Variants in KCNK13 observed in about 807,000 individuals in gnomAD.
The protein encoded by KCNK13 is potassium two pore domain channel subfamily K member 13.
KCNK13 carries 12 observed loss-of-function variants against 23.4 expected under a neutral mutation model. That is an observed-to-expected ratio of 0.51 (90% confidence interval 0.33 to 0.83). The LOEUF is 0.83. KCNK13 is among the 40% of genes least tolerant of loss of function. The pLI is 0.02. For missense variants in KCNK13, 463 were observed against 556.3 expected (o/e 0.83, Z 1.69); for synonymous variants, 231 against 229.5 (o/e 1.01, Z -0.06).
chr14:90,181,148 C>A (rs913729604), intron 1 of KCNK13, among the ~76,000 whole-genome samples: 3 of 152,146 alleles, frequency 2.0e-5, no homozygotes, highest in Non-Finnish European at 4.4e-5. Flanking sequence ...AGCCACCATG[C>A]CCAGCCCACT....
intron 1 of KCNK13, among the ~76,000 whole-genome samples, chr14:90,087,076 T>C (rs1405752192): frequency 6.7e-6 from 1 of 148,316 alleles, no homozygotes; most frequent in Non-Finnish European, 1.5e-5. Context: ...ATCATGGTGG[T>C]TATTAGCCTT....
intron 1 of KCNK13, among the ~76,000 whole-genome samples, chr14:90,128,689 C>A (rs184260547): frequency 6.6e-6 from 1 of 152,184 alleles, no homozygotes; most frequent in Non-Finnish European, 1.5e-5. Flanking sequence ...TGGCTCCACT[C>A]GAGAATTTTC....
chr14:90,156,945 G>A lies in KCNK13; in HGVS notation c.335-27166G>A, dbSNP rs529355595. Among the ~76,000 whole-genome samples the A allele has an allele frequency of 2.6e-5, 4 of 152,180 alleles. No individual in the cohort carries two copies. In the South Asian group the frequency reaches 6.2e-4, roughly 24 times the overall value. On this transcript the variant is annotated intron_variant, in intron 1 of 1. Coordinates refer to ENST00000282146, the MANE Select transcript of KCNK13 (RefSeq NM_022054.4). ...TCCAGTCCAGTGGTTATACTTTCTCGTGTTGCATAAATGCATAGGTTTGGA... is the reference window on the plus strand; with the variant it reads ...TCCAGTCCAGTGGTTATACTTTCTCATGTTGCATAAATGCATAGGTTTGGA...
intron 1 of KCNK13, among the ~76,000 whole-genome samples, chr14:90,098,955 G>A (rs535735982): frequency 2.0e-5 from 3 of 152,182 alleles, no homozygotes; most frequent in African/African-American, 7.2e-5. Flanking sequence ...GCAGGTGCCT[G>A]TATTCCCAGC....
chr14:90,169,869 T>C (rs1890344803), intron 1 of KCNK13, among the ~76,000 whole-genome samples: 1 of 152,222 alleles, frequency 6.6e-6, no homozygotes, highest in Non-Finnish European at 1.5e-5. Flanking sequence ...GGGGCAGAGA[T>C]GATTTTAAGG....
At chr14:90,111,010 CAAAA>C (rs11352357) in intron 1 of KCNK13, among the ~76,000 whole-genome samples, 4 of 142,736 alleles carry the variant, frequency 2.8e-5, no homozygotes, top group African/African-American at 7.8e-5. Context: ...ACTTTTGTCT[CAAAA>C]AAAAAAAAAA....
chr14:90,131,207 T>C (rs1889866188), intron 1 of KCNK13, among the ~76,000 whole-genome samples: 2 of 152,094 alleles, frequency 1.3e-5, no homozygotes, highest in Admixed American at 6.6e-5. Context: ...GCTGTTATTG[T>C]TATTATTTAT....
chr14:90,106,791 G>C (rs994063582), intron 1 of KCNK13, among the ~76,000 whole-genome samples: 5 of 152,042 alleles, frequency 3.3e-5, no homozygotes, highest in African/African-American at 1.2e-4. Context: ...GGAGGCCAAG[G>C]TGCATGGATT....
intron 1 of KCNK13, among the ~76,000 whole-genome samples, chr14:90,122,052 T>C (rs1258555063): frequency 1.3e-5 from 2 of 152,124 alleles, no homozygotes; most frequent in Non-Finnish European, 2.9e-5. Flanking sequence ...TTTATATCTT[T>C]TTCTTAAGAA....
At chr14:90,170,852 G>C (rs950971770) in intron 1 of KCNK13, among the ~76,000 whole-genome samples, 3 of 152,186 alleles carry the variant, frequency 2.0e-5, no homozygotes, top group African/African-American at 4.8e-5. Flanking sequence ...AGGGCTGACT[G>C]CACCTGTAAA....
chr14:90,167,752 C>A (rs1475031741), intron 1 of KCNK13, among the ~76,000 whole-genome samples: 1 of 152,138 alleles, frequency 6.6e-6, no homozygotes, highest in Non-Finnish European at 1.5e-5. Flanking sequence ...TGCTGCATCT[C>A]CCTCTTCCTC....
chr14:90,150,495 G>T (rs975595995), intron 1 of KCNK13, among the ~76,000 whole-genome samples: 1 of 152,126 alleles, frequency 6.6e-6, no homozygotes, highest in African/African-American at 2.4e-5. Flanking sequence ...TTCTCAATCT[G>T]TCTCTCAAAG....
At chr14:90,111,345 A>G (rs1889613257) in intron 1 of KCNK13, among the ~76,000 whole-genome samples, 2 of 152,154 alleles carry the variant, frequency 1.3e-5, no homozygotes, top group Non-Finnish European at 2.9e-5. Context: ...CCACTTATAC[A>G]TTTATTCACT....
intron 1 of KCNK13, among the ~76,000 whole-genome samples, chr14:90,155,066 G>C (rs570983623): frequency 6.6e-6 from 1 of 152,332 alleles, no homozygotes; most frequent in South Asian, 2.1e-4. Context: ...AAAATATATG[G>C]TATATCATAC....
At position 90,184,511 on chromosome 14, in the gene KCNK13, C is replaced by T. The variant is rs1274742804; in HGVS notation, c.735C>T (p.Ser245=). 1 of 1,614,146 alleles carries T rather than the reference C, an allele frequency of 6.2e-7. No homozygotes were observed. Among genetic ancestry groups the T allele is most frequent in the Non-Finnish European group, 8.5e-7 (1 of 1,180,048 alleles). Residue 245 remains serine, a synonymous_variant, in exon 2 of 2, where the codon AGC becomes AGT. Coordinates refer to ENST00000282146, the MANE Select transcript of KCNK13 (RefSeq NM_022054.4). The surrounding 1 kb of genome is among the most constrained non-coding windows in gnomAD (Gnocchi z 5.6). ...CCATTGGCTTTGGGGACCTGGTCAG[C>T]AGCCAGAACGCCCACTATGAGAGCC... The part of the protein sequence containing the change: ...FSTIGFGDLV[S]SQNAHYESQG...
intron 1 of KCNK13, among the ~76,000 whole-genome samples, chr14:90,125,620 C>G (rs931170149): frequency 4.2e-5 from 3 of 71,282 alleles, no homozygotes; most frequent in Non-Finnish European, 8.6e-5. Flanking sequence ...CACACACACA[C>G]ACACACGCGC....
At chr14:90,128,312 AAAAC>A (rs772510857) in intron 1 of KCNK13, among the ~76,000 whole-genome samples, 6 of 152,178 alleles carry the variant, frequency 3.9e-5, no homozygotes, top group Admixed American at 2.0e-4. Context: ...CTTGGTGTTT[AAAAC>A]AAACAAACAA....
chr14:90,182,963 C>T (rs1765379985), intron 1 of KCNK13, among the ~76,000 whole-genome samples: 1 of 152,116 alleles, frequency 6.6e-6, no homozygotes, highest in African/African-American at 2.4e-5. Flanking sequence ...CTCCACCCAT[C>T]AGCCTTCTCA....
At chr14:90,183,355 C>T (rs923916465) in intron 1 of KCNK13, among the ~76,000 whole-genome samples, 8 of 152,128 alleles carry the variant, frequency 5.3e-5, no homozygotes, top group South Asian at 2.1e-4. Context: ...TGCCCATAAT[C>T]CCAGTGCTTT....
Sources: allele counts gnomAD v4.1 joint callset (sites outside exome capture counted in the v4.1 genomes callset), GRCh38; gene constraint gnomAD v4.1.1; non-coding constraint Gnocchi (gnomAD v3.1); transcripts MANE v1.5; gene names NCBI Gene and HGNC (gene_info 2026-07-23, HGNC 2026-07-21).